AFF3: variants seen among roughly 807,000 people sequenced by gnomAD.
The protein encoded by AFF3 is AF4/FMR2 family member 3.
AFF3 carries 32 observed loss-of-function variants against 129.7 expected under a neutral mutation model. That is an observed-to-expected ratio of 0.25 (90% confidence interval 0.19 to 0.33). The LOEUF is 0.33. AFF3 is among the 10% of genes least tolerant of loss of function. AFF3 has a pLI of 1.00. For synonymous variants in AFF3, 644 were observed against 635.4 expected (o/e 1.01, Z -0.20); for missense variants, 1,373 against 1,592.0 (o/e 0.86, Z 2.34).
intron 12 of AFF3, among the ~76,000 whole-genome samples, chr2:99,650,324 T>G (rs1238095325): frequency 1.3e-5 from 2 of 151,942 alleles, no homozygotes; most frequent in Non-Finnish European, 2.9e-5. Context: ...TTTGGGAGGC[T>G]GAGGCAGGTG....
At chr2:99,933,333 T>G (rs946282563) in intron 7 of AFF3, among the ~76,000 whole-genome samples, 1 of 151,300 alleles carries the variant, frequency 6.6e-6, no homozygotes, top group Non-Finnish European at 1.5e-5. Flanking sequence ...TTGGAAAGAC[T>G]CTTTTTTTTT....
At chr2:99,637,317 C>T (rs1417623324) in intron 13 of AFF3, among the ~76,000 whole-genome samples, 1 of 152,252 alleles carries the variant, frequency 6.6e-6, no homozygotes, top group Non-Finnish European at 1.5e-5. Context: ...ACCCACTCAT[C>T]ACAGATGCTT....
At chr2:99,847,849 T>C (rs1036120060) in intron 7 of AFF3, among the ~76,000 whole-genome samples, 1 of 152,138 alleles carries the variant, frequency 6.6e-6, no homozygotes, top group African/African-American at 2.4e-5. Context: ...TCTATCCTCA[T>C]TCTAAAGCCT....
intron 7 of AFF3, among the ~76,000 whole-genome samples, chr2:100,003,962 A>C (rs1369190506): frequency 6.7e-6 from 1 of 149,030 alleles, no homozygotes; most frequent in Non-Finnish European, 1.5e-5. Flanking sequence ...TCTTGGAGGC[A>C]GAGATTACAT....
At position 99,593,176 on chromosome 2, in the gene AFF3, C is replaced by A; in HGVS notation, c.2466+19G>T. Reference sequence around the variant, plus strand: ...CCTTCCCCTCCACGCCCCCGCACCCCAGTCAGCCCCAGGCCTACCTTGCGT... The same window carrying A: ...CCTTCCCCTCCACGCCCCCGCACCCAAGTCAGCCCCAGGCCTACCTTGCGT... On this transcript the variant is annotated intron_variant, in intron 15 of 24. Transcript: ENST00000672756. The A allele has an allele frequency of 6.5e-7, 1 of 1,547,258 alleles. No homozygotes were observed. Among genetic ancestry groups the A allele is most frequent in the South Asian group, 1.2e-5 (1 of 80,378 alleles).
chr2:100,062,790 G>T (rs922018322), intron 4 of AFF3, among the ~76,000 whole-genome samples: 4 of 152,212 alleles, frequency 2.6e-5, no homozygotes, highest in Admixed American at 6.5e-5. Flanking sequence ...TTACTAAACA[G>T]ACAGGGAAAC....
chr2:99,760,562 T>C (rs1040490962), intron 8 of AFF3, among the ~76,000 whole-genome samples: 1 of 152,192 alleles, frequency 6.6e-6, no homozygotes, highest in African/African-American at 2.4e-5. Flanking sequence ...ACAATGCTAT[T>C]TCATTACAAG....
chr2:100,086,457 GTTGCAGTGAGCCAAGA>G, intron 4 of AFF3, among the ~76,000 whole-genome samples: 1 of 152,270 alleles, frequency 6.6e-6, no homozygotes, highest in African/African-American at 2.4e-5. Flanking sequence ...GGAGGCAGAG[GTTGCAGTGAGCCAAGA>G]TCACACCACT....
intron 4 of AFF3, among the ~76,000 whole-genome samples, chr2:100,058,313 TTTCAGACA>T (rs748240904): frequency 6.6e-6 from 1 of 152,196 alleles, no homozygotes; most frequent in Non-Finnish European, 1.5e-5. Context: ...GTTCAAGCTC[TTTCAGACA>T]TACCATGCTA....
intron 7 of AFF3, among the ~76,000 whole-genome samples, chr2:99,837,919 C>T (rs967182464): frequency 4.6e-5 from 7 of 152,150 alleles, no homozygotes; most frequent in East Asian, 1.9e-4. Context: ...AAATATATGC[C>T]GTGGGCCTAC....
intron 13 of AFF3, among the ~76,000 whole-genome samples, chr2:99,642,436 C>A (rs6542884): frequency 0.86 from 130,173 of 152,128 alleles, 55,829 homozygotes; most frequent in East Asian, 0.93. Context: ...ATGAGCCCCT[C>A]ATCATCTACC....
At chr2:99,992,868 G>A (rs893516778) in intron 7 of AFF3, among the ~76,000 whole-genome samples, 2 of 152,194 alleles carry the variant, frequency 1.3e-5, no homozygotes, top group African/African-American at 4.8e-5. Context: ...TGGACACATG[G>A]TGACCCAGCT....
At chr2:99,938,749 G>A (rs61417124) in intron 7 of AFF3, among the ~76,000 whole-genome samples, 3,266 of 152,274 alleles carry the variant, frequency 0.021, 124 homozygotes, top group African/African-American at 0.075. Context: ...TGTCTAGCCT[G>A]CTGGCCATCC....
At chr2:99,672,710 T>C in intron 11 of AFF3, 121 bp from the exon 12 acceptor site, 2 of 940,264 alleles carry the variant, frequency 2.1e-6, no homozygotes, top group Non-Finnish European at 1.6e-6. Flanking sequence ...TAAGTCTATT[T>C]GATTTCCTAT....
chr2:100,096,545 A>G (rs545973057), intron 4 of AFF3, among the ~76,000 whole-genome samples: 2 of 151,944 alleles, frequency 1.3e-5, no homozygotes, highest in South Asian at 4.2e-4. Context: ...TTCTTTTCAA[A>G]GGAAATTTTT....
At chr2:99,724,087 T>C (rs556526508) in intron 11 of AFF3, among the ~76,000 whole-genome samples, 4 of 152,158 alleles carry the variant, frequency 2.6e-5, no homozygotes, top group Admixed American at 2.6e-4. Context: ...GGTACTTTGC[T>C]CTGGCAGCCC....
At chr2:100,059,560 T>C (rs888197471) in intron 4 of AFF3, among the ~76,000 whole-genome samples, 2 of 152,216 alleles carry the variant, frequency 1.3e-5, no homozygotes, top group South Asian at 4.1e-4. Flanking sequence ...TGCACAACTC[T>C]GTAAATATAC....
intron 19 of AFF3, among the ~76,000 whole-genome samples, chr2:99,567,547 G>A (rs1238940313): frequency 6.6e-6 from 1 of 152,198 alleles, no homozygotes; most frequent in African/African-American, 2.4e-5. Context: ...CCGCAGAGAG[G>A]CTGGGAAGGC....
At chr2:100,134,640 G>T (rs758208097) in intron 1 of AFF3, among the ~76,000 whole-genome samples, 2 of 152,016 alleles carry the variant, frequency 1.3e-5, no homozygotes, top group African/African-American at 4.8e-5. Context: ...CTCACATGAC[G>T]ATCCTTTTAG....
Sources: gnomAD v4.1 joint callset for allele counts (sites outside exome capture counted in the v4.1 genomes callset) on GRCh38, gnomAD v4.1.1 for gene constraint, MANE v1.5 for transcripts, NCBI Gene and HGNC (gene_info 2026-07-23, HGNC 2026-07-21) for gene names.